Variants in TPP1 observed in about 807,000 individuals in gnomAD.
The protein encoded by TPP1 is tripeptidyl-peptidase 1.
Under a neutral mutation model 67.6 loss-of-function variants are expected in TPP1, and 43 were observed. The ratio of observed to expected loss-of-function variants is 0.64; its 90% CI spans 0.50 to 0.82. The LOEUF (loss-of-function observed/expected upper bound fraction) is 0.82. TPP1 is among the 40% of genes least tolerant of loss of function. The pLI, the probability that TPP1 is intolerant of heterozygous loss-of-function variation, is 0.00. For missense variants in TPP1, 671 were observed against 710.9 expected, an observed-to-expected ratio of 0.94 and a Z score of 0.64; for synonymous variants, 272 against 281.5, an observed-to-expected ratio of 0.97 and a Z score of 0.34.
rs767860643 is a variant in TPP1 at position 6,619,422 on chromosome 11, T to G, written c.-22A>C. 2 of 1,614,104 alleles carry G rather than the reference T, an allele frequency of 1.2e-6. No individual in the cohort carries two copies. The highest frequency in any genetic ancestry group is 2.7e-5 in the African/African-American group (2 of 74,942). On this transcript the variant is annotated 5_prime_UTR_variant, in exon 1 of 13. Transcript: ENST00000299427. Reference sequence around the variant, plus strand: ...CCATTCTGCCCTTCCGCGGATCTGCTGTCATGTGACGGATCACATGAGCTC... The same window carrying G: ...CCATTCTGCCCTTCCGCGGATCTGCGGTCATGTGACGGATCACATGAGCTC...
chr11:6,616,179 G>C, intron 8 of TPP1, 105 bp from the exon 9 acceptor site: 1 of 1,573,616 alleles, frequency 6.4e-7, no homozygotes, highest in East Asian at 2.2e-5. Flanking sequence ...AGAGTGTAGA[G>C]GTCAGGTCAG....
chr11:6,617,118 G>A lies in TPP1; in HGVS notation c.544C>T (p.Leu182=), dbSNP rs776858324. The A allele has an allele frequency of 1.9e-6, 3 of 1,614,132 alleles. No homozygotes were observed. The highest frequency in any genetic ancestry group is 2.5e-6 in the Non-Finnish European group (3 of 1,180,008). Residue 182 remains leucine (L), a synonymous_variant, in exon 6 of 13, where the codon CTG becomes TTG. Transcript: ENST00000299427. ...GLHRFPPTSS[L]RQRPEPQVTG... ...ACCTGCGGCTCAGGACGTTGCCTCA[G>A]GGATGATGTTGGGGGAAAACGGTGC...
chr11:6,615,091 G>C, intron 11 of TPP1, 80 bp downstream of exon 11: 1 of 1,613,756 alleles, frequency 6.2e-7, no homozygotes, highest in Non-Finnish European at 8.5e-7. Flanking sequence ...GGAGTCAGGG[G>C]TTCTAGGTGC....
chr11:6,619,299 G>GCTACGTTGTC, intron 1 of TPP1, 32 bp from the exon 2 acceptor site: 1 of 1,614,112 alleles, frequency 6.2e-7, no homozygotes, highest in South Asian at 1.1e-5. Context: ...TTCAGTGGGA[G>GCTACGTTGTC]CTACGTTGTC....
chr11:6,617,177 G>A lies in TPP1; in HGVS notation c.509-24C>T, dbSNP rs774769224. 8.7e-6 allele frequency: 14 copies of A among 1,613,346 alleles called. No homozygotes were observed. The African/African-American group carries it at 9.4e-5, about 11-fold the overall frequency. On this transcript the variant is annotated intron_variant, in intron 5 of 12. Coordinates refer to ENST00000299427, the MANE Select transcript of TPP1 (RefSeq NM_000391.4). ...CACTGTAGGGAGAAGTCAGGCTTGA[G>A]GAGATCTTATAGACTGTAATGCCCA...
chr11:6,614,725 A>G (rs2134590576), intron 12 of TPP1, 39 bp from the exon 13 acceptor site: 1 of 1,614,006 alleles, frequency 6.2e-7, no homozygotes, highest in Non-Finnish European at 8.5e-7. Context: ...GCCTACTAGT[A>G]CCAGTACTTA....
Position 6,614,570 on chromosome 11 carries a change from C to T in TPP1, c.1668G>A (p.Leu556=). ...TGWGTPNFPA[L]LKTLLNP The stretch of plus-strand genomic sequence containing the variant: ...GTCAGGGGTTGAGTAGAGTCTTCAG[C>T]AAAGCTGGGAAGTTGGGTGTTCCCC... The change falls in exon 13 of 13, where the codon TTG becomes TTA. Residue 556 remains leucine (L), a synonymous_variant. Transcript: ENST00000299427. 1 of 1,614,100 alleles carries T rather than the reference C, an allele frequency of 6.2e-7. No individual in the cohort carries two copies. The highest frequency in any genetic ancestry group is 8.5e-7 in the Non-Finnish European group (1 of 1,179,996).
rs1855521128 is a variant in TPP1, at chr11:6,613,062, A to G, written c.*1484T>C. Reference sequence around the variant, plus strand: ...TCCCTGGTGATTATGAAAGGCAGGTATTGATATTCACACTTAACAGACGAG... The same window carrying G: ...TCCCTGGTGATTATGAAAGGCAGGTGTTGATATTCACACTTAACAGACGAG... On this transcript the variant is annotated 3_prime_UTR_variant, in exon 13 of 13. Coordinates refer to ENST00000299427, the MANE Select transcript of TPP1 (RefSeq NM_000391.4). 1 of 152,468 alleles carries G rather than the reference A, an allele frequency of 6.6e-6. No homozygotes were observed. The highest frequency in any genetic ancestry group is 1.5e-5 in the Non-Finnish European group (1 of 68,052). 9.4% of individuals were successfully genotyped at this position (152,468 alleles called of 1,614,324 possible). A position where few individuals can be genotyped will look rare whatever the true frequency, so the allele number is the denominator to read the frequency against.
chr11:6,614,715 G>A, intron 12 of TPP1, 29 bp from the exon 13 acceptor site: 1 of 1,614,016 alleles, frequency 6.2e-7, no homozygotes, highest in Non-Finnish European at 8.5e-7. Flanking sequence ...TCAGATCTGG[G>A]CCTACTAGTA....
At chr11:6,615,815 C>G in intron 9 of TPP1, 190 bp downstream of exon 9, 1 of 792,212 alleles carries the variant, frequency 1.3e-6, no homozygotes, top group Non-Finnish European at 2.1e-6. Context: ...ACAATGGGAG[C>G]TGTATCCCAC....
intron 9 of TPP1, 167 bp from the exon 10 acceptor site, chr11:6,615,729 G>T: frequency 1.1e-6 from 1 of 915,512 alleles, no homozygotes; most frequent in East Asian, 2.6e-5. Flanking sequence ...CATGGCCCGA[G>T]GTGACTGTGC....
chr11:6,618,118 G>A (rs1415682648), intron 3 of TPP1: 15 of 393,152 alleles, frequency 3.8e-5, no homozygotes, highest in African/African-American at 2.3e-4. Flanking sequence ...CAAATCTTTC[G>A]GTACCAGTTA....
chr11:6,617,717 G>T lies in TPP1; in HGVS notation c.289C>A (p.His97Asn). 1 of 1,614,222 alleles carries T rather than the reference G, an allele frequency of 6.2e-7. No homozygotes were observed. The highest frequency in any genetic ancestry group is 8.5e-7 in the Non-Finnish European group (1 of 1,180,030). The change falls in exon 4 of 13, where the codon CAC becomes AAC. Residue 97 changes from histidine to asparagine, a missense_variant. Physicochemically the swap from His to Asn is moderately conservative, Grantham distance 68. Coordinates refer to ENST00000299427, the MANE Select transcript of TPP1 (RefSeq NM_000391.4). ...DLVRPSPLTLHTVQKWLLAAG... is the reference protein window; with the variant it reads ...DLVRPSPLTLNTVQKWLLAAG... The stretch of plus-strand genomic sequence containing the variant: ...GCCAAGAGCCATTTTTGCACCGTGT[G>T]GAGGGTCAGTGGGGATGGCCTCACC...
intron 8 of TPP1, 45 bp downstream of exon 8, chr11:6,616,270 G>T: frequency 1.2e-6 from 2 of 1,611,526 alleles, no homozygotes; most frequent in Non-Finnish European, 1.7e-6. Flanking sequence ...AAGCTCCCAG[G>T]CTGCAGAGGT....
chr11:6,618,424 A>G, intron 3 of TPP1: 2 of 507,364 alleles, frequency 3.9e-6, no homozygotes, highest in Non-Finnish European at 7.1e-6. Context: ...GGAATAAATA[A>G]CGGAGTTGGT....
At chr11:6,614,831 T>G (rs1855551299) in intron 12 of TPP1, 35 bp downstream of exon 12, 1 of 1,613,976 alleles carries the variant, frequency 6.2e-7, no homozygotes, top group African/African-American at 1.3e-5. Context: ...CCATAGTTGT[T>G]TGAAAACGTC....
In TPP1 at chr11:6,618,786, A is replaced by G. The variant is rs1456089848; in HGVS notation, c.219T>C (p.Ser73=). The change falls in exon 3 of 13, where the codon TCT becomes TCC. Residue 73 remains serine (S), a synonymous_variant. Coordinates refer to ENST00000299427, the MANE Select transcript of TPP1 (RefSeq NM_000391.4). ...AGTCCCAAAAGGCACCGTATTGAGG[A>G]GAGCTGGGATCCGACACAGCCTGCA... The part of the protein sequence containing the change: ...ELVQAVSDPS[S]PQYGKYLTLE... The G allele has an allele frequency of 2.5e-6, 4 of 1,613,934 alleles. No individual in the cohort carries two copies. Among genetic ancestry groups the G allele is most frequent in the African/African-American group, 1.3e-5 (1 of 75,010 alleles).
Position 6,612,998 on chromosome 11 carries a change from C to T in TPP1, c.*1548G>A, listed in dbSNP as rs1855520513. Reference sequence around the variant, plus strand: ...GGCGTTAACATCTGCCACCTACTTCCAGGTGCCAAGCACTGTTATCAACAT... The same window carrying T: ...GGCGTTAACATCTGCCACCTACTTCTAGGTGCCAAGCACTGTTATCAACAT... On this transcript the variant is annotated 3_prime_UTR_variant, in exon 13 of 13. Transcript: ENST00000299427. 6.6e-6 allele frequency: 1 copy of T among 152,640 alleles called. No individual in the cohort carries two copies. The highest frequency in any genetic ancestry group is 1.5e-5 in the Non-Finnish European group (1 of 68,052). 9.5% of individuals were successfully genotyped at this position (152,640 alleles called of 1,614,324 possible).
chr11:6,614,492 C>G lies in TPP1; in HGVS notation c.*54G>C. The G allele has an allele frequency of 6.2e-7, 1 of 1,612,918 alleles. No homozygotes were observed. Among genetic ancestry groups the G allele is most frequent in the Non-Finnish European group, 8.5e-7 (1 of 1,179,218 alleles). On this transcript the variant is annotated 3_prime_UTR_variant, in exon 13 of 13. Transcript: ENST00000299427. ...GCTTCCAACAGGGCAGAATAAGGGA[C>G]TGAACTGCCAGCTTCAGGGCAGGGG...
Sources: gnomAD v4.1 joint callset for allele counts on GRCh38, gnomAD v4.1.1 for gene constraint, MANE v1.5 for transcripts, NCBI Gene and HGNC (gene_info 2026-07-23, HGNC 2026-07-21) for gene names.